Variants in CELF2 observed in about 807,000 individuals in gnomAD.
The protein encoded by CELF2 is CUGBP Elav-like family member 2.
Under a neutral mutation model 62.6 loss-of-function variants are expected in CELF2, and 8 were observed. The ratio of observed to expected loss-of-function variants is 0.13; its 90% CI spans 0.07 to 0.23. The LOEUF is 0.23. Among genes scored for constraint, CELF2 ranks in the 10% least tolerant of loss-of-function variants. CELF2 has a pLI of 1.00. For synonymous variants in CELF2, 258 were observed against 250.0 expected (o/e 1.03, Z -0.30); for missense variants, 333 against 671.0 (o/e 0.50, Z 5.56).
rs572542167 is a variant in CELF2 at position 10,997,961 on chromosome 10, G to C, written c.89+77962G>C. ...GGTGGGAGGTAATTGAATCATGGAGGCTGGATTTTCTCATGCAGTTCTTGT... is the reference window on the plus strand; with the variant it reads ...GGTGGGAGGTAATTGAATCATGGAGCCTGGATTTTCTCATGCAGTTCTTGT... On this transcript the variant is annotated intron_variant, in intron 2 of 13. Transcript: ENST00000636488. This position sits in a 1 kb window ranked among gnomAD's most constrained non-coding sequence, Gnocchi z 5.3. Among the ~76,000 whole-genome samples the C allele has an allele frequency of 1.4e-4, 22 of 152,286 alleles. No individual in the cohort carries two copies. The highest frequency in any genetic ancestry group is 4.6e-4 in the African/African-American group (19 of 41,574).
chr10:11,177,907 T>C lies in CELF2; in HGVS notation c.271+12225T>C, dbSNP rs1324262015. On this transcript the variant is annotated intron_variant, in intron 2 of 12. Coordinates refer to ENST00000633077, the MANE Select transcript of CELF2 (RefSeq NM_001326342.2). This position sits in a 1 kb window ranked among gnomAD's most constrained non-coding sequence, Gnocchi z 4.8. ...GTTGCAGTGCCCGTCACTCTCTGGGTGAAGCCAGTATGTCCTGGTGGTGGC... is the reference window on the plus strand; with the variant it reads ...GTTGCAGTGCCCGTCACTCTCTGGGCGAAGCCAGTATGTCCTGGTGGTGGC... Among the ~76,000 whole-genome samples the C allele has an allele frequency of 3.3e-5, 5 of 152,092 alleles. No homozygotes were observed. The highest frequency in any genetic ancestry group is 1.2e-4 in the African/African-American group (5 of 41,392).
chr10:10,862,383 C>T (rs1296850238), intron 1 of CELF2, among the ~76,000 whole-genome samples: 5 of 152,122 alleles, frequency 3.3e-5, no homozygotes, highest in African/African-American at 7.2e-5. Flanking sequence ...TTGGCTCACT[C>T]GCCTGGTTGG....
intron 9 of CELF2, among the ~76,000 whole-genome samples, chr10:11,304,661 C>T (rs1479236240): frequency 6.6e-6 from 1 of 152,228 alleles, no homozygotes; most frequent in Non-Finnish European, 1.5e-5. Flanking sequence ...AATTCCTTAA[C>T]CCACTAATTC....
chr10:10,966,882 A>G (rs1166686456), intron 2 of CELF2: 1 of 152,216 alleles, frequency 6.6e-6, no homozygotes, highest in Non-Finnish European at 1.5e-5. Flanking sequence ...CAGAAAGTAA[A>G]ACGAATTCCT....
rs2093580482 is a variant in CELF2, at chr10:11,300,109, G to A, written c.976+11557G>A. Among the ~76,000 whole-genome samples, 1 of 152,116 alleles carries A rather than the reference G, an allele frequency of 6.6e-6. No individual in the cohort carries two copies. Among genetic ancestry groups the A allele is most frequent in the South Asian group, 2.1e-4 (1 of 4,826 alleles). ...GGGTAGGGAGGCACCCTGGTTTATT[G>A]ACAACCCATGAAGTAGATTTCTTAG... On this transcript the variant is annotated intron_variant, in intron 9 of 12. Coordinates refer to ENST00000633077, the MANE Select transcript of CELF2 (RefSeq NM_001326342.2). This position sits in a 1 kb window ranked among gnomAD's most constrained non-coding sequence, Gnocchi z 5.5.
chr10:10,905,133 C>G (rs2063232513), intron 1 of CELF2, among the ~76,000 whole-genome samples: 1 of 152,158 alleles, frequency 6.6e-6, no homozygotes, highest in Non-Finnish European at 1.5e-5. Flanking sequence ...GAATAACTAA[C>G]AGTGTTGTCG....
chr10:10,721,372 CA>C, the CELF2 span, among the ~76,000 whole-genome samples: 1 of 152,160 alleles, frequency 6.6e-6, no homozygotes, highest in African/African-American at 2.4e-5. Context: ...AATTTAGAAG[CA>C]ATCTATACCC....
At chr10:10,563,996 C>G in the CELF2 span, among the ~76,000 whole-genome samples, 270 of 152,316 alleles carry the variant, frequency 1.8e-3, 1 homozygote, top group African/African-American at 6.0e-3. Flanking sequence ...TGATGCTATG[C>G]ATCTTCGGTG....
intron 1 of CELF2, among the ~76,000 whole-genome samples, chr10:11,029,273 G>A (rs1328029877): frequency 6.6e-6 from 1 of 152,138 alleles, no homozygotes; most frequent in Non-Finnish European, 1.5e-5. Flanking sequence ...GGTTATTTTG[G>A]TGGTTAATAA....
In CELF2 at chr10:11,330,318, G is replaced by A. The variant is rs959984881; in HGVS notation, c.*1265G>A. 6.6e-6 allele frequency: 1 copy of A among 152,612 alleles called. No homozygotes were observed. Among genetic ancestry groups the A allele is most frequent in the African/African-American group, 2.4e-5 (1 of 41,440 alleles). 9.5% of individuals were successfully genotyped at this position (152,612 alleles called of 1,614,324 possible). On this transcript the variant is annotated 3_prime_UTR_variant, in exon 13 of 13. Coordinates refer to ENST00000633077, the MANE Select transcript of CELF2 (RefSeq NM_001326342.2). This position sits in a 1 kb window ranked among gnomAD's most constrained non-coding sequence, Gnocchi z 4.5. ...GCTGTGGATAAGGAGTGTAAGAAAT[G>A]CAAATTATGTGAATGGCTCGGAGAC...
chr10:10,935,127 A>G (rs2066487798), intron 2 of CELF2: 1 of 152,162 alleles, frequency 6.6e-6, no homozygotes, highest in Non-Finnish European at 1.5e-5. Flanking sequence ...TCTGTTGGCA[A>G]CAGAATCGTG....
rs372968609 is a variant in CELF2, at chr10:11,288,449, G to A, written c.873G>A (p.Ala291=). The A allele has an allele frequency of 5.8e-5, 94 of 1,614,012 alleles. 1 individual carries two copies. The highest frequency in any genetic ancestry group is 5.3e-4 in the African/African-American group (40 of 75,050). Reference sequence around the variant, plus strand: ...ATGCTTTACAGTTGCAGAACCTGGCGACGCTGGCTGCTGCTGCAGCTGCGG... The same window carrying A: ...ATGCTTTACAGTTGCAGAACCTGGCAACGCTGGCTGCTGCTGCAGCTGCGG... ...GMNALQLQNL[A]TLAAAAAAAQ... The change falls in exon 9 of 13, where the codon GCG becomes GCA. Residue 291 remains alanine (A), a synonymous_variant. Coordinates refer to ENST00000633077, the MANE Select transcript of CELF2 (RefSeq NM_001326342.2).
chr10:11,018,296 CTTCG>C, intron 1 of CELF2, 133 bp downstream of exon 1: 1 of 633,074 alleles, frequency 1.6e-6, no homozygotes, highest in Non-Finnish European at 2.3e-6. Flanking sequence ...CTCCCTCGGC[CTTCG>C]GAGGCCGGCA....
intron 8 of CELF2, among the ~76,000 whole-genome samples, chr10:11,284,529 G>T (rs1590658113): frequency 6.6e-6 from 1 of 151,704 alleles, no homozygotes; most frequent in South Asian, 2.1e-4. Context: ...TGTGGTGGGT[G>T]GATGAGGGAT....
intron 2 of CELF2, among the ~76,000 whole-genome samples, chr10:11,196,818 G>A (rs955973792): frequency 2.0e-5 from 3 of 151,416 alleles, no homozygotes; most frequent in South Asian, 2.1e-4. Flanking sequence ...TTAGCCAGGC[G>A]TGGTGGCGCA....
rs2062811267 is a variant in CELF2 at position 11,214,630 on chromosome 10, T to C, written c.272-2795T>C. Reference sequence around the variant, plus strand: ...AAACGCGGCGCCTGTGGAGCTGTGCTGGGGCTCAGCTCTTGGGTCGGACAG... The same window carrying C: ...AAACGCGGCGCCTGTGGAGCTGTGCCGGGGCTCAGCTCTTGGGTCGGACAG... On this transcript the variant is annotated intron_variant, in intron 2 of 12. Transcript: ENST00000633077. This position sits in a 1 kb window ranked among gnomAD's most constrained non-coding sequence, Gnocchi z 4.2. 6.6e-6 allele frequency among the ~76,000 whole-genome samples: 1 copy of C among 152,202 alleles called. No individual in the cohort carries two copies. Among genetic ancestry groups the C allele is most frequent in the Non-Finnish European group, 1.5e-5 (1 of 68,028 alleles).
the CELF2 span, among the ~76,000 whole-genome samples, chr10:10,541,241 T>G: frequency 8.2e-5 from 1 of 12,126 alleles, no homozygotes; most frequent in Non-Finnish European, 1.6e-4. Flanking sequence ...AGACCCCATC[T>G]CAAAAAAAAA....
the CELF2 span, among the ~76,000 whole-genome samples, chr10:10,761,387 A>G: frequency 6.6e-6 from 1 of 152,230 alleles, no homozygotes; most frequent in African/African-American, 2.4e-5. Flanking sequence ...CAAAGTAGAC[A>G]TGGTTGAGTA....
intron 1 of CELF2, among the ~76,000 whole-genome samples, chr10:10,914,999 G>T (rs1328348930): frequency 2.0e-5 from 3 of 151,984 alleles, no homozygotes; most frequent in African/African-American, 7.3e-5. Flanking sequence ...GGGTGTGGTG[G>T]CATGTGCCTG....
Sources: allele counts gnomAD v4.1 joint callset (sites outside exome capture counted in the v4.1 genomes callset), GRCh38; gene constraint gnomAD v4.1.1; non-coding constraint Gnocchi (gnomAD v3.1); transcripts MANE v1.5; gene names NCBI Gene and HGNC (gene_info 2026-07-23, HGNC 2026-07-21).